CHRM3: variants seen among roughly 807,000 people sequenced by gnomAD.
CHRM3 encodes the protein cholinergic receptor muscarinic 3.
CHRM3 carries 11 observed loss-of-function variants against 41.8 expected under a neutral mutation model. The ratio of observed to expected loss-of-function variants is 0.26; its 90% CI spans 0.17 to 0.44. CHRM3 has a LOEUF of 0.44. Ranked by LOEUF, CHRM3 falls within the 20% of genes least tolerant of loss-of-function variation. The pLI is 1.00. For synonymous variants in CHRM3, 297 were observed against 301.4 expected, an observed-to-expected ratio of 0.99 and a Z score of 0.15; for missense variants, 571 against 745.4, an observed-to-expected ratio of 0.77 and a Z score of 2.72.
intron 3 of CHRM3, among the ~76,000 whole-genome samples, chr1:239,554,593 A>G (rs1246949738): frequency 6.6e-6 from 1 of 152,166 alleles, no homozygotes; most frequent in Admixed American, 6.6e-5. Context: ...ATTGCATTCA[A>G]CTTTTCTAAA....
At chr1:239,572,594 C>T (rs1661929685) in intron 3 of CHRM3, among the ~76,000 whole-genome samples, 1 of 152,132 alleles carries the variant, frequency 6.6e-6, no homozygotes, top group African/African-American at 2.4e-5. Context: ...CTCTTTGAAA[C>T]TAGTTCATTT....
intron 5 of CHRM3, among the ~76,000 whole-genome samples, chr1:239,760,220 C>T (rs913872317): frequency 6.6e-6 from 1 of 152,020 alleles, no homozygotes; most frequent in Non-Finnish European, 1.5e-5. Flanking sequence ...CCACCGTGCC[C>T]GGCCAATACT....
intron 3 of CHRM3, among the ~76,000 whole-genome samples, chr1:239,597,858 G>GTTTTTTT (rs35067421): frequency 2.5e-5 from 3 of 120,862 alleles, no homozygotes; most frequent in South Asian, 3.0e-4. Flanking sequence ...AACTGTCAGA[G>GTTTTTTT]TTTTTTTTTT....
chr1:239,910,502 G>A lies in CHRM3; in HGVS notation c.*1278G>A, dbSNP rs1680302268. On this transcript the variant is annotated 3_prime_UTR_variant, in exon 7 of 7. Coordinates refer to ENST00000676153, the MANE Select transcript of CHRM3 (RefSeq NM_001375978.1). ...GTAACCTTCACCCAGGAATAGGTGA[G>A]GTTTTAGGAAGTTACATGTCCTCTG... 6.0e-6 allele frequency: 1 copy of A among 166,722 alleles called. No individual in the cohort carries two copies. The highest frequency in any genetic ancestry group is 2.4e-5 in the African/African-American group (1 of 41,330). 10.3% of individuals were successfully genotyped at this position (166,722 alleles called of 1,614,324 possible).
At chr1:239,875,004 T>C (rs1676999999) in intron 6 of CHRM3, among the ~76,000 whole-genome samples, 1 of 152,128 alleles carries the variant, frequency 6.6e-6, no homozygotes, top group Non-Finnish European at 1.5e-5. Flanking sequence ...CAGCCGCCAT[T>C]ACTTTTAAAT....
chr1:239,582,902 C>A (rs1453646193), intron 3 of CHRM3, among the ~76,000 whole-genome samples: 1 of 152,188 alleles, frequency 6.6e-6, no homozygotes, highest in East Asian at 1.9e-4. Flanking sequence ...GAGACACTCT[C>A]TGATCTGGTC....
chr1:239,763,130 G>A (rs1666935701), intron 5 of CHRM3, among the ~76,000 whole-genome samples: 1 of 152,004 alleles, frequency 6.6e-6, no homozygotes, highest in South Asian at 2.1e-4. Flanking sequence ...TGTTTTTCTG[G>A]AAGAACAAGG....
chr1:239,869,871 G>A (rs1056304613), intron 6 of CHRM3, among the ~76,000 whole-genome samples: 1 of 152,162 alleles, frequency 6.6e-6, no homozygotes, highest in African/African-American at 2.4e-5. Context: ...GGCATAGAGT[G>A]GCAGGGGTTT....
At chr1:239,460,242 C>G (rs1167969490) in intron 1 of CHRM3, among the ~76,000 whole-genome samples, 1 of 152,086 alleles carries the variant, frequency 6.6e-6, no homozygotes, top group Non-Finnish European at 1.5e-5. Flanking sequence ...TAAAAGGGAC[C>G]AGAGTGTAAA....
At chr1:239,891,340 A>G (rs1464087281) in intron 6 of CHRM3, among the ~76,000 whole-genome samples, 1 of 152,156 alleles carries the variant, frequency 6.6e-6, no homozygotes, top group African/African-American at 2.4e-5. Context: ...AAATTTCAGT[A>G]TGATTTCTTT....
chr1:239,492,400 A>T (rs554926641), intron 1 of CHRM3, among the ~76,000 whole-genome samples: 1 of 152,324 alleles, frequency 6.6e-6, no homozygotes, highest in African/African-American at 2.4e-5. Flanking sequence ...CATTGCTCGC[A>T]GAGAGCCTTC....
Position 239,804,739 on chromosome 1 carries a change from C to T in CHRM3, c.-146-22513C>T, listed in dbSNP as rs190048550. Among the ~76,000 whole-genome samples the T allele has an allele frequency of 3.1e-3, 474 of 152,260 alleles. 2 individuals are homozygous for T. The highest frequency in any genetic ancestry group is 6.8e-3 in the Middle Eastern group (2 of 294). On this transcript the variant is annotated intron_variant, in intron 5 of 6. Transcript: ENST00000676153. Reference sequence around the variant, plus strand: ...GCAGCGCCTTCTTCCTAATCGATGCCGAGGAGGCAGCAGAAGATAGAATTA... The same window carrying T: ...GCAGCGCCTTCTTCCTAATCGATGCTGAGGAGGCAGCAGAAGATAGAATTA...
At chr1:239,452,011 A>G (rs1478196931) in intron 1 of CHRM3, among the ~76,000 whole-genome samples, 1 of 152,196 alleles carries the variant, frequency 6.6e-6, no homozygotes. Flanking sequence ...GCTTAAATAT[A>G]CTATCCATAA....
At chr1:239,566,655 T>C (rs1321786339) in intron 3 of CHRM3, among the ~76,000 whole-genome samples, 2 of 152,202 alleles carry the variant, frequency 1.3e-5, no homozygotes, top group African/African-American at 4.8e-5. Context: ...TCATTAATTC[T>C]CTAAGAAATG....
At chr1:239,868,312 T>C (rs1221290812) in intron 6 of CHRM3, among the ~76,000 whole-genome samples, 1 of 152,138 alleles carries the variant, frequency 6.6e-6, no homozygotes, top group South Asian at 2.1e-4. Context: ...GGCATGTTGA[T>C]TTTACAGCTG....
chr1:239,836,924 G>A (rs1248061144), intron 6 of CHRM3, among the ~76,000 whole-genome samples: 5 of 150,580 alleles, frequency 3.3e-5, no homozygotes, highest in African/African-American at 7.4e-5. Flanking sequence ...GCAGCGAGCC[G>A]AGATAGCACC....
chr1:239,578,818 G>A (rs183907418), intron 3 of CHRM3, among the ~76,000 whole-genome samples: 1 of 152,222 alleles, frequency 6.6e-6, no homozygotes, highest in East Asian at 1.9e-4. Context: ...CTCCCACTCA[G>A]GATGCACAAT....
At chr1:239,518,884 T>G (rs1238101183) in intron 2 of CHRM3, among the ~76,000 whole-genome samples, 1 of 152,220 alleles carries the variant, frequency 6.6e-6, no homozygotes, top group Non-Finnish European at 1.5e-5. Flanking sequence ...AACTAATGTA[T>G]TTGCATTGTA....
intron 1 of CHRM3, among the ~76,000 whole-genome samples, chr1:239,395,815 C>A (rs953476306): frequency 2.0e-5 from 3 of 152,200 alleles, no homozygotes; most frequent in African/African-American, 7.2e-5. Flanking sequence ...GCCTTTGATC[C>A]ATTTTACACA....
Sources: allele counts gnomAD v4.1 joint callset (sites outside exome capture counted in the v4.1 genomes callset), GRCh38; gene constraint gnomAD v4.1.1; transcripts MANE v1.5; gene names NCBI Gene and HGNC (gene_info 2026-07-23, HGNC 2026-07-21).